Variants in PRKN observed in about 807,000 individuals in gnomAD.
The protein encoded by PRKN is parkin RBR E3 ubiquitin protein ligase.
PRKN carries 56 observed loss-of-function variants against 59.5 expected under a neutral mutation model. The observed-to-expected ratio is 0.94, with a 90% CI of 0.76 to 1.18. The LOEUF is 1.18. PRKN is among the 50% of genes most tolerant of loss of function. The pLI, the probability that PRKN is intolerant of heterozygous loss-of-function variation, is 0.00. For synonymous variants in PRKN, 250 were observed against 222.1 expected (o/e 1.13, Z -1.12); for missense variants, 657 against 596.4 (o/e 1.10, Z -1.06).
chr6:162,191,170 G>T (rs116325789), intron 4 of PRKN, among the ~76,000 whole-genome samples: 1 of 152,090 alleles, frequency 6.6e-6, no homozygotes, highest in African/African-American at 2.4e-5. Flanking sequence ...TGTGATAGTC[G>T]CTGATCATTG....
At chr6:162,578,618 C>G (rs1358971162) in intron 1 of PRKN, among the ~76,000 whole-genome samples, 1 of 152,084 alleles carries the variant, frequency 6.6e-6, no homozygotes, top group Non-Finnish European at 1.5e-5. Flanking sequence ...ATTATAAAAC[C>G]TGATCACACA....
intron 2 of PRKN, among the ~76,000 whole-genome samples, chr6:162,314,987 G>A (rs184675376): frequency 3.7e-4 from 57 of 152,170 alleles, no homozygotes; most frequent in African/African-American, 1.3e-3. Context: ...GATCACCAGG[G>A]TTTCATGTGG....
chr6:161,989,705 T>A (rs1781570729), intron 5 of PRKN, among the ~76,000 whole-genome samples: 1 of 152,120 alleles, frequency 6.6e-6, no homozygotes, highest in South Asian at 2.1e-4. Flanking sequence ...TCTGGAGACC[T>A]GGGGATTGAT....
At chr6:162,579,433 C>CAT (rs1350961484) in intron 1 of PRKN, among the ~76,000 whole-genome samples, 1 of 152,018 alleles carries the variant, frequency 6.6e-6, no homozygotes, top group African/African-American at 2.4e-5. Context: ...CACACACACA[C>CAT]ATTCACACAC....
At chr6:162,447,046 G>C (rs928216904) in intron 1 of PRKN, among the ~76,000 whole-genome samples, 6 of 152,148 alleles carry the variant, frequency 3.9e-5, no homozygotes, top group Admixed American at 2.6e-4. Context: ...CGGTATAAGG[G>C]ATGCAACACC....
rs552507225 is a variant in PRKN, at chr6:161,583,378, A to C, written c.872-13962T>G. Among the ~76,000 whole-genome samples the C allele has an allele frequency of 7.9e-4, 121 of 152,316 alleles. 1 individual carries two copies. The highest frequency in any genetic ancestry group is 2.8e-3 in the African/African-American group (118 of 41,570). ...AAAGAAAATTCAGTTACATAATGGC[A>C]CTATCAGGGTATAGCATCAAGGCAT... On this transcript the variant is annotated intron_variant, in intron 7 of 11. Coordinates refer to ENST00000366898, the MANE Select transcript of PRKN (RefSeq NM_004562.3).
chr6:162,529,570 G>C (rs1436891709), intron 1 of PRKN, among the ~76,000 whole-genome samples: 1 of 152,144 alleles, frequency 6.6e-6, no homozygotes, highest in African/African-American at 2.4e-5. Flanking sequence ...AAGCTGAGCT[G>C]ACCCATCCAG....
At chr6:162,391,176 C>T (rs566835608) in intron 2 of PRKN, among the ~76,000 whole-genome samples, 4 of 152,184 alleles carry the variant, frequency 2.6e-5, no homozygotes, top group Non-Finnish European at 5.9e-5. Flanking sequence ...AGATAATTTT[C>T]TTACTACGCA....
rs560471296 is a variant in PRKN, at chr6:161,533,453, C to G, written c.1083+15401G>C. On this transcript the variant is annotated intron_variant, in intron 9 of 11. Transcript: ENST00000366898. This position sits in a 1 kb window ranked among gnomAD's most constrained non-coding sequence, Gnocchi z 4.1. Reference sequence around the variant, plus strand: ...AGTTGTGCCCGTAGGAATATACTACCTGGGACTAGCCATGTTCAAAATGGC... The same window carrying G: ...AGTTGTGCCCGTAGGAATATACTACGTGGGACTAGCCATGTTCAAAATGGC... Among the ~76,000 whole-genome samples the G allele has an allele frequency of 6.6e-5, 10 of 152,274 alleles. No homozygotes were observed. Among genetic ancestry groups the G allele is most frequent in the African/African-American group, 2.4e-4 (10 of 41,538 alleles).
At chr6:162,467,255 T>C (rs1003468885) in intron 1 of PRKN, among the ~76,000 whole-genome samples, 1 of 152,184 alleles carries the variant, frequency 6.6e-6, no homozygotes. Flanking sequence ...TTTATTCGTT[T>C]TGTTCACTAC....
At chr6:162,583,382 C>T (rs1289238401) in intron 1 of PRKN, among the ~76,000 whole-genome samples, 1 of 152,216 alleles carries the variant, frequency 6.6e-6, no homozygotes, top group Non-Finnish European at 1.5e-5. Flanking sequence ...GACAGAAACA[C>T]TGCGAGAAAT....
chr6:161,490,766 C>A (rs909851954), intron 9 of PRKN, among the ~76,000 whole-genome samples: 1 of 152,066 alleles, frequency 6.6e-6, no homozygotes, highest in Non-Finnish European at 1.5e-5. Flanking sequence ...AAATTGTAAT[C>A]CCCAGTGTTG....
At chr6:161,865,003 T>A (rs1376757145) in intron 6 of PRKN, among the ~76,000 whole-genome samples, 1 of 152,142 alleles carries the variant, frequency 6.6e-6, no homozygotes, top group African/African-American at 2.4e-5. Context: ...AGGAATCACT[T>A]TGAAAATGTG....
chr6:162,686,439 T>C (rs567994794), intron 1 of PRKN, among the ~76,000 whole-genome samples: 2 of 152,228 alleles, frequency 1.3e-5, no homozygotes, highest in Admixed American at 6.5e-5. Context: ...TGTTTTTCTT[T>C]TGTGGGGTGG....
At chr6:161,824,148 C>T (rs1422109327) in intron 6 of PRKN, among the ~76,000 whole-genome samples, 1 of 152,176 alleles carries the variant, frequency 6.6e-6, no homozygotes, top group African/African-American at 2.4e-5. Context: ...CACACACCCA[C>T]CCAACGCCAC....
chr6:161,992,263 C>G (rs541444249), intron 5 of PRKN, among the ~76,000 whole-genome samples: 5 of 152,216 alleles, frequency 3.3e-5, no homozygotes, highest in East Asian at 1.9e-4. Flanking sequence ...CTGCTTGAAC[C>G]TGGGAAGCAG....
At chr6:162,432,413 C>A (rs1562760666) in intron 2 of PRKN, among the ~76,000 whole-genome samples, 1 of 152,010 alleles carries the variant, frequency 6.6e-6, no homozygotes, top group African/African-American at 2.4e-5. Context: ...GTAATCCCAG[C>A]TACTAGCAGG....
rs1039457996 is a variant in PRKN, at chr6:162,569,439, T to C, written c.8-125966A>G. The stretch of plus-strand genomic sequence containing the variant: ...ATGAAGCTGGCCCTGGACATCGAGA[T>C]TGCCACCTACAGGAAGCTGCTGGAG... On this transcript the variant is annotated intron_variant, in intron 1 of 11. Coordinates refer to ENST00000366898, the MANE Select transcript of PRKN (RefSeq NM_004562.3). 3.3e-5 allele frequency: 23 copies of C among 686,618 alleles called. 1 individual carries two copies. Among genetic ancestry groups the C allele is most frequent in the Middle Eastern group, 3.9e-4 (1 of 2,592 alleles). The allele number at this position is 686,618 out of a possible 1,614,324, so 42.5% of individuals were successfully genotyped here.
chr6:161,624,298 G>T (rs1218467477), intron 7 of PRKN, among the ~76,000 whole-genome samples: 2 of 152,182 alleles, frequency 1.3e-5, no homozygotes, highest in Admixed American at 6.5e-5. Flanking sequence ...TTTATGAAAC[G>T]AGTCTTAAAA....
Sources: allele counts gnomAD v4.1 joint callset (sites outside exome capture counted in the v4.1 genomes callset), GRCh38; gene constraint gnomAD v4.1.1; non-coding constraint Gnocchi (gnomAD v3.1); transcripts MANE v1.5; gene names NCBI Gene and HGNC (gene_info 2026-07-23, HGNC 2026-07-21).